The following AKAP13 variants were observed in gnomAD, a reference collection of about 807,000 sequenced individuals.
The protein encoded by AKAP13 is A-kinase anchoring protein 13, also known as A-kinase anchor protein 13.
AKAP13 carries 80 observed loss-of-function variants against 264.5 expected under a neutral mutation model. The ratio of observed to expected loss-of-function variants is 0.30; its 90% CI spans 0.25 to 0.36. AKAP13 has a LOEUF of 0.36. Among genes scored for constraint, AKAP13 ranks in the 10% least tolerant of loss-of-function variants. The pLI is 1.00. For missense variants in AKAP13, 3,712 were observed against 3,435.2 expected (o/e 1.08, Z -2.01); for synonymous variants, 1,380 against 1,250.2 (o/e 1.10, Z -2.19).
intron 1 of AKAP13, among the ~76,000 whole-genome samples, chr15:85,440,172 C>G (rs1251763635): frequency 6.6e-6 from 1 of 152,096 alleles, no homozygotes; most frequent in Admixed American, 6.5e-5. Flanking sequence ...GTCAGAATGT[C>G]TCTGCCCTTC....
At position 85,581,798 on chromosome 15, in the gene AKAP13, G is replaced by A; in HGVS notation, c.3730G>A (p.Gly1244Arg). The A allele has an allele frequency of 6.2e-7, 1 of 1,614,142 alleles. No homozygotes were observed. The highest frequency in any genetic ancestry group is 8.5e-7 in the Non-Finnish European group (1 of 1,179,998). ...TGCCCAGGACGCACCTCTGCCTAAG[G>A]GGGCAGACTTGATAGAGGAGGCTGC... ...VSAQDAPLPKGADLIEEAASR... is the reference protein window; with the variant it reads ...VSAQDAPLPKRADLIEEAASR... The change falls in exon 7 of 37, where the codon GGG (glycine) becomes AGG (arginine). Residue 1244 changes from glycine (G) to arginine (R), a missense_variant. Around this residue, in one of 3 missense-constraint regions of AKAP13, gnomAD observed 2,759 missense variants for 2,411.7 expected, o/e 1.14. Transcript: ENST00000394518.
intron 14 of AKAP13, among the ~76,000 whole-genome samples, chr15:85,681,401 A>G (rs564652418): frequency 6.6e-6 from 1 of 152,330 alleles, no homozygotes; most frequent in African/African-American, 2.4e-5. Flanking sequence ...CATGTGGTAG[A>G]TAAAAATAAT....
intron 8 of AKAP13, among the ~76,000 whole-genome samples, chr15:85,629,592 A>G (rs1278773595): frequency 3.3e-5 from 5 of 152,054 alleles, no homozygotes; most frequent in Non-Finnish European, 5.9e-5. Flanking sequence ...TATAAATACA[A>G]TATAGTTCAT....
At chr15:85,568,224 C>T (rs565354260) in intron 5 of AKAP13, among the ~76,000 whole-genome samples, 2 of 151,702 alleles carry the variant, frequency 1.3e-5, no homozygotes, top group Non-Finnish European at 2.9e-5. Flanking sequence ...CACTGGAGCC[C>T]CGGAGGTTGA....
intron 1 of AKAP13, among the ~76,000 whole-genome samples, chr15:85,385,537 G>C (rs142672347): frequency 6.6e-6 from 1 of 152,044 alleles, no homozygotes; most frequent in African/African-American, 2.4e-5. Flanking sequence ...GTACTCAACC[G>C]GTTCTCTACC....
intron 10 of AKAP13, among the ~76,000 whole-genome samples, chr15:85,648,159 A>G (rs938338563): frequency 2.0e-5 from 3 of 152,264 alleles, no homozygotes; most frequent in African/African-American, 7.2e-5. Flanking sequence ...ACTGAGATAA[A>G]CAGATTAGAT....
intron 1 of AKAP13, among the ~76,000 whole-genome samples, chr15:85,440,694 T>C (rs2073602829): frequency 6.6e-6 from 1 of 152,336 alleles, no homozygotes; most frequent in South Asian, 2.1e-4. Flanking sequence ...TCAAGTTCTC[T>C]TACACACTTT....
intron 2 of AKAP13, among the ~76,000 whole-genome samples, chr15:85,487,508 G>T (rs982488851): frequency 2.6e-5 from 4 of 152,110 alleles, no homozygotes; most frequent in African/African-American, 9.7e-5. Context: ...GTGTTGAGAT[G>T]GCCATGTAGG....
chr15:85,684,084 T>G (rs938334311), intron 15 of AKAP13, among the ~76,000 whole-genome samples: 1 of 152,176 alleles, frequency 6.6e-6, no homozygotes, highest in African/African-American at 2.4e-5. Context: ...TTCCTTGGTT[T>G]GCAACTCCTA....
At chr15:85,667,020 A>T (rs2083641192) in intron 13 of AKAP13, among the ~76,000 whole-genome samples, 1 of 152,192 alleles carries the variant, frequency 6.6e-6, no homozygotes, top group South Asian at 2.1e-4. Context: ...TATTTCCTCC[A>T]AATGAAACAC....
In AKAP13 at chr15:85,498,213, T is replaced by G. The variant is rs1006850690; in HGVS notation, c.33+12460T>G. Among the ~76,000 whole-genome samples, 92 of 146,244 alleles carry G rather than the reference T, an allele frequency of 6.3e-4. 8 individuals carry two copies. In the East Asian group the frequency reaches 0.01, roughly 16 times the overall value. On this transcript the variant is annotated intron_variant, in intron 2 of 36. Coordinates refer to ENST00000394518, the MANE Select transcript of AKAP13 (RefSeq NM_007200.5). Reference sequence around the variant, plus strand: ...AAATGAAGTGAGATATATATATATATATATATATATATATCACATTGAGCG... The same window carrying G: ...AAATGAAGTGAGATATATATATATAGATATATATATATATCACATTGAGCG...
intron 1 of AKAP13, among the ~76,000 whole-genome samples, chr15:85,462,289 A>G (rs1236333843): frequency 6.6e-6 from 1 of 152,354 alleles, no homozygotes; most frequent in African/African-American, 2.4e-5. Flanking sequence ...GACATCCCTA[A>G]TTCTGCATAG....
chr15:85,562,564 CA>C (rs1253215813), intron 5 of AKAP13, among the ~76,000 whole-genome samples: 9 of 33,882 alleles, frequency 2.7e-4, no homozygotes, highest in Admixed American at 8.8e-4. Context: ...GAATCTGCCT[CA>C]AAAAAAAAAA....
chr15:85,664,656 A>G lies in AKAP13; in HGVS notation c.4893A>G (p.Arg1631=). The part of the protein sequence containing the change: ...EVSSANAEEL[R]HPFSGEERVD... ...GCTCTGCAAATGCCGAAGAGCTCAG[A>G]CACCCATTCAGTGGTGAGGAACGGG... The change falls in exon 13 of 37, where the codon AGA becomes AGG. Residue 1631 remains arginine (R), a synonymous_variant. Coordinates refer to ENST00000394518, the MANE Select transcript of AKAP13 (RefSeq NM_007200.5). 1 of 1,614,158 alleles carries G rather than the reference A, an allele frequency of 6.2e-7. No homozygotes were observed.
intron 1 of AKAP13, among the ~76,000 whole-genome samples, chr15:85,457,762 T>C (rs1208984103): frequency 6.6e-6 from 1 of 152,224 alleles, no homozygotes; most frequent in African/African-American, 2.4e-5. Context: ...CTGTTTGACC[T>C]TTCTAAGCCA....
At chr15:85,640,114 T>C (rs1421390825) in intron 9 of AKAP13, among the ~76,000 whole-genome samples, 6 of 152,214 alleles carry the variant, frequency 3.9e-5, no homozygotes, top group Non-Finnish European at 5.9e-5. Flanking sequence ...CCTCTAACTC[T>C]GTGTGATGTA....
chr15:85,730,475 C>T, intron 29 of AKAP13, 38 bp from the exon 30 acceptor site: 1 of 1,600,552 alleles, frequency 6.2e-7, no homozygotes. Flanking sequence ...AATTACTAAA[C>T]ACCAATCAAA....
chr15:85,489,568 A>C (rs1423285888), intron 2 of AKAP13, among the ~76,000 whole-genome samples: 1 of 152,186 alleles, frequency 6.6e-6, no homozygotes, highest in Non-Finnish European at 1.5e-5. Flanking sequence ...AATAAGCAAG[A>C]GAACAAAGAC....
intron 4 of AKAP13, among the ~76,000 whole-genome samples, chr15:85,540,129 G>A (rs1320701595): frequency 6.6e-6 from 1 of 152,092 alleles, no homozygotes; most frequent in Non-Finnish European, 1.5e-5. Flanking sequence ...AAAATTTGTA[G>A]GGCAGGAGGG....
Sources: allele counts gnomAD v4.1 joint callset (sites outside exome capture counted in the v4.1 genomes callset), GRCh38; gene constraint gnomAD v4.1.1; regional missense constraint gnomAD v4.1.1; transcripts MANE v1.5; gene names NCBI Gene and HGNC (gene_info 2026-07-23, HGNC 2026-07-21).